IL1RAPL1: variants seen among roughly 807,000 people sequenced by gnomAD.
The protein encoded by IL1RAPL1 is interleukin-1 receptor accessory protein-like 1.
Under a neutral mutation model 48.4 loss-of-function variants are expected in IL1RAPL1, and 3 were observed. That is an observed-to-expected ratio of 0.06 (90% CI 0.03 to 0.16). The LOEUF is 0.16. Ranked by LOEUF, IL1RAPL1 falls within the 10% of genes least tolerant of loss-of-function variation. The pLI is 1.00. For missense variants in IL1RAPL1, 349 were observed against 530.6 expected (o/e 0.66, Z 3.36); for synonymous variants, 185 against 187.7 (o/e 0.99, Z 0.12).
intron 6 of IL1RAPL1, among the ~76,000 whole-genome samples, chrX:29,891,237 G>GA (rs56807047): frequency 0.13 from 14,426 of 111,519 alleles, 871 homozygotes; most frequent in African/African-American, 0.22. Context: ...AAATAATTAA[G>GA]AATAACATCA....
intron 2 of IL1RAPL1, among the ~76,000 whole-genome samples, chrX:28,996,240 C>CATGT (rs1401936026): frequency 8.1e-5 from 9 of 111,426 alleles, no homozygotes; most frequent in Admixed American, 9.6e-5. Context: ...TGGCTTCTTT[C>CATGT]ATGTAATGTA....
At chrX:29,020,697 A>G (rs999281957) in intron 2 of IL1RAPL1, among the ~76,000 whole-genome samples, 17 of 111,712 alleles carry the variant, frequency 1.5e-4, no homozygotes, top group African/African-American at 5.5e-4. Context: ...GGTATGAACT[A>G]TGCTCTTAAG....
At chrX:29,717,542 GA>G (rs1232138234) in intron 6 of IL1RAPL1, among the ~76,000 whole-genome samples, 1 of 112,334 alleles carries the variant, frequency 8.9e-6, no homozygotes, top group Non-Finnish European at 1.9e-5. Flanking sequence ...AATCATTATA[GA>G]AAAACAATCC....
chrX:29,814,494 T>C (rs1170965656), intron 6 of IL1RAPL1, among the ~76,000 whole-genome samples: 4 of 111,794 alleles, frequency 3.6e-5, no homozygotes, highest in African/African-American at 1.3e-4. Flanking sequence ...CTTTGTCAGA[T>C]GCATAGTTTG....
chrX:29,162,304 C>T (rs1460378635), intron 2 of IL1RAPL1, among the ~76,000 whole-genome samples: 2 of 110,976 alleles, frequency 1.8e-5, no homozygotes, highest in East Asian at 2.8e-4. Context: ...AGCATACCAC[C>T]ATGTCACATG....
intron 1 of IL1RAPL1, among the ~76,000 whole-genome samples, chrX:28,680,468 G>C (rs1334359663): frequency 9.0e-6 from 1 of 110,586 alleles, no homozygotes; most frequent in African/African-American, 3.3e-5. Flanking sequence ...TATTGCTCTG[G>C]CTAGGACTTC....
At chrX:29,587,554 A>G (rs1923221490) in intron 5 of IL1RAPL1, among the ~76,000 whole-genome samples, 1 of 112,164 alleles carries the variant, frequency 8.9e-6, no homozygotes. Flanking sequence ...TAAGTTTGTG[A>G]GTTAATACAT....
chrX:29,507,009 G>C (rs1408864002), intron 5 of IL1RAPL1, among the ~76,000 whole-genome samples: 1 of 109,927 alleles, frequency 9.1e-6, no homozygotes, highest in Non-Finnish European at 1.9e-5. Context: ...GGATGTGAAA[G>C]ACTGATTCTC....
chrX:29,200,419 T>C (rs1930532538), intron 2 of IL1RAPL1, among the ~76,000 whole-genome samples: 1 of 111,902 alleles, frequency 8.9e-6, no homozygotes, highest in African/African-American at 3.2e-5. Context: ...TTTGAAACCA[T>C]AGAATGATCA....
At chrX:28,730,317 A>G (rs987253420) in intron 1 of IL1RAPL1, among the ~76,000 whole-genome samples, 2 of 111,684 alleles carry the variant, frequency 1.8e-5, no homozygotes, top group Admixed American at 9.6e-5. Context: ...AGCATTGTAT[A>G]TAGTTAGAAA....
intron 2 of IL1RAPL1, among the ~76,000 whole-genome samples, chrX:29,200,792 A>G (rs1930540100): frequency 8.9e-6 from 1 of 111,937 alleles, no homozygotes; most frequent in Non-Finnish European, 1.9e-5. Flanking sequence ...TTTACAGGCC[A>G]TGTATTACTA....
At chrX:29,310,707 T>A in intron 3 of IL1RAPL1, among the ~76,000 whole-genome samples, 1 of 112,149 alleles carries the variant, frequency 8.9e-6, no homozygotes, top group Non-Finnish European at 1.9e-5. Flanking sequence ...AATTGCTTAT[T>A]ACCACCTCCT....
intron 3 of IL1RAPL1, among the ~76,000 whole-genome samples, chrX:29,342,743 G>A (rs1266493894): frequency 8.9e-6 from 1 of 111,977 alleles, no homozygotes; most frequent in Non-Finnish European, 1.9e-5. Flanking sequence ...TAGACTGCAG[G>A]CTAGTATCAC....
intron 5 of IL1RAPL1, among the ~76,000 whole-genome samples, chrX:29,436,042 G>C (rs1244099035): frequency 9.1e-6 from 1 of 109,329 alleles, no homozygotes; most frequent in Non-Finnish European, 1.9e-5. Flanking sequence ...CATTCTTTCA[G>C]GGTAAGCCAA....
rs1933410397 is a variant in IL1RAPL1, at chrX:29,955,869, A to G, written c.*49A>G. On this transcript the variant is annotated 3_prime_UTR_variant, in exon 11 of 11. Coordinates refer to ENST00000378993, the MANE Select transcript of IL1RAPL1 (RefSeq NM_014271.4). Reference sequence around the variant, plus strand: ...CCCTGGGAGGTTGAGTGGAATCTGCAGTCCAGTGCCTGGAACTAAATCCTC... The same window carrying G: ...CCCTGGGAGGTTGAGTGGAATCTGCGGTCCAGTGCCTGGAACTAAATCCTC... 2 of 977,799 alleles carry G rather than the reference A, an allele frequency of 2.0e-6. No homozygotes were observed. The highest frequency in any genetic ancestry group is 2.9e-6 in the Non-Finnish European group (2 of 684,002). The allele number at this position is 977,799 out of a possible 1,213,427, so 80.6% of individuals were successfully genotyped here.
intron 2 of IL1RAPL1, among the ~76,000 whole-genome samples, chrX:29,243,256 A>T (rs1374963604): frequency 1.8e-5 from 2 of 112,020 alleles, no homozygotes; most frequent in East Asian, 5.6e-4. Context: ...CATTGTCCTA[A>T]TTTTGAGTCC....
At chrX:29,941,436 A>G (rs1050342077) in intron 8 of IL1RAPL1, among the ~76,000 whole-genome samples, 2 of 112,084 alleles carry the variant, frequency 1.8e-5, no homozygotes, top group Non-Finnish European at 3.8e-5. Flanking sequence ...TTGCTTAGCA[A>G]CATGGTTGTC....
intron 1 of IL1RAPL1, among the ~76,000 whole-genome samples, chrX:28,751,071 C>T (rs763105495): frequency 9.0e-6 from 1 of 111,231 alleles, no homozygotes; most frequent in Non-Finnish European, 1.9e-5. Context: ...TTTCCACAGG[C>T]CTATGAATTT....
intron 2 of IL1RAPL1, among the ~76,000 whole-genome samples, chrX:29,132,683 A>G (rs1929046728): frequency 8.9e-6 from 1 of 111,958 alleles, no homozygotes; most frequent in Admixed American, 9.5e-5. Context: ...TCTTGTGGAC[A>G]TTGAAAATGA....
Sources: gnomAD v4.1 joint callset for allele counts (sites outside exome capture counted in the v4.1 genomes callset) on GRCh38, gnomAD v4.1.1 for gene constraint, MANE v1.5 for transcripts, NCBI Gene and HGNC (gene_info 2026-07-23, HGNC 2026-07-21) for gene names.